MYO5A: variants seen among roughly 807,000 people sequenced by gnomAD.
The protein encoded by MYO5A is unconventional myosin-Va.
MYO5A carries 98 observed loss-of-function variants against 249.7 expected under a neutral mutation model. The observed-to-expected ratio is 0.39, with a 90% CI of 0.33 to 0.46. The LOEUF is 0.46. Among genes scored for constraint, MYO5A ranks in the 20% least tolerant of loss-of-function variants. MYO5A has a pLI of 0.98. For synonymous variants in MYO5A, 778 were observed against 810.6 expected (o/e 0.96, Z 0.68); for missense variants, 1,696 against 2,308.8 (o/e 0.73, Z 5.44).
At chr15:52,402,766 A>AC (rs2042820041) in intron 9 of MYO5A, among the ~76,000 whole-genome samples, 1 of 152,046 alleles carries the variant, frequency 6.6e-6, no homozygotes, top group African/African-American at 2.4e-5. Context: ...AATAGCTTGA[A>AC]CCCAGGAGGT....
At position 52,463,117 on chromosome 15, in the gene MYO5A, T is replaced by C. The variant is rs113481159; in HGVS notation, c.28-29832A>G. On this transcript the variant is annotated intron_variant, in intron 1 of 41. Coordinates refer to ENST00000399233, the MANE Select transcript of MYO5A (RefSeq NM_001382347.1). ...AAATCTCATGAACTAAAGGACATTT[T>C]TTCTTGAGTGACAGGTACTCCAACT... Among the ~76,000 whole-genome samples, 139 of 152,328 alleles carry C rather than the reference T, an allele frequency of 9.1e-4. 1 individual carries two copies. The highest frequency in any genetic ancestry group is 3.2e-3 in the African/African-American group (131 of 41,562).
At chr15:52,508,701 A>G (rs953593291) in intron 1 of MYO5A, among the ~76,000 whole-genome samples, 3 of 152,008 alleles carry the variant, frequency 2.0e-5, no homozygotes, top group Non-Finnish European at 4.4e-5. Flanking sequence ...ATTATACCCA[A>G]ATCTCTAGTC....
chr15:52,479,910 C>G (rs1200145777), intron 1 of MYO5A, among the ~76,000 whole-genome samples: 8 of 152,096 alleles, frequency 5.3e-5, no homozygotes, highest in Non-Finnish European at 1.2e-4. Context: ...GCTCAGCATG[C>G]CTTTGCTCTT....
chr15:52,444,418 C>T (rs2075846908), intron 1 of MYO5A, among the ~76,000 whole-genome samples: 2 of 152,074 alleles, frequency 1.3e-5, no homozygotes, highest in South Asian at 4.2e-4. Flanking sequence ...AAAGAAAAGT[C>T]CTAACTTTAC....
chr15:52,473,613 G>C (rs1359346516), intron 1 of MYO5A, among the ~76,000 whole-genome samples: 3 of 152,134 alleles, frequency 2.0e-5, no homozygotes, highest in African/African-American at 4.8e-5. Context: ...TTCTACATAT[G>C]GCTACCCAGT....
At chr15:52,458,845 G>A (rs1486006214) in intron 1 of MYO5A, among the ~76,000 whole-genome samples, 1 of 151,926 alleles carries the variant, frequency 6.6e-6, no homozygotes, top group Non-Finnish European at 1.5e-5. Context: ...ATTTTCAACT[G>A]TCAAATTTTA....
intron 14 of MYO5A, among the ~76,000 whole-genome samples, chr15:52,386,807 C>T (rs2141146560): frequency 1.3e-5 from 2 of 152,288 alleles, no homozygotes; most frequent in South Asian, 4.1e-4. Flanking sequence ...CTCGGCCTCC[C>T]AAAGTGCTGG....
At chr15:52,360,406 C>G (rs1164924921) in intron 24 of MYO5A, among the ~76,000 whole-genome samples, 1 of 152,216 alleles carries the variant, frequency 6.6e-6, no homozygotes, top group Non-Finnish European at 1.5e-5. Flanking sequence ...CAGTGAAGCA[C>G]TGGGTGAAGC....
intron 15 of MYO5A, among the ~76,000 whole-genome samples, chr15:52,383,913 T>G (rs1218696276): frequency 6.6e-6 from 1 of 152,202 alleles, no homozygotes; most frequent in African/African-American, 2.4e-5. Context: ...GATGGGGTGG[T>G]CTGAGAGACG....
chr15:52,316,165 G>C (rs7163242), intron 40 of MYO5A, among the ~76,000 whole-genome samples: 13,810 of 149,060 alleles, frequency 0.093, 2,039 homozygotes, highest in African/African-American at 0.31. Flanking sequence ...ACCTGGGAGG[G>C]GGAGCTTGCA....
At chr15:52,318,170 T>C (rs930848763) in intron 39 of MYO5A, among the ~76,000 whole-genome samples, 8 of 152,194 alleles carry the variant, frequency 5.3e-5, no homozygotes, top group African/African-American at 1.7e-4. Flanking sequence ...AATAAAAAAT[T>C]TGTGGCCCAG....
chr15:52,400,767 T>C (rs575821502), intron 9 of MYO5A, among the ~76,000 whole-genome samples: 3 of 152,348 alleles, frequency 2.0e-5, no homozygotes, highest in African/African-American at 7.2e-5. Flanking sequence ...ATTGGTACTA[T>C]CAATTGTGAT....
intron 11 of MYO5A, among the ~76,000 whole-genome samples, chr15:52,394,977 G>A (rs1397389448): frequency 1.3e-5 from 2 of 152,134 alleles, no homozygotes; most frequent in Non-Finnish European, 2.9e-5. Flanking sequence ...TTTCACTGTG[G>A]TAAGAAGCTT....
intron 24 of MYO5A, among the ~76,000 whole-genome samples, chr15:52,361,626 A>G (rs2141052921): frequency 6.6e-6 from 1 of 152,324 alleles, no homozygotes; most frequent in South Asian, 2.1e-4. Context: ...TGAGGATTAA[A>G]TAAGAGTGTG....
In MYO5A at chr15:52,313,785, C is replaced by T; in HGVS notation, c.5554G>A (p.Val1852Ile). The stretch of plus-strand genomic sequence containing the variant: ...GAAGATGGGTTGAAAGGAAAGGTGA[C>T]AGGAAAGATGTGTTTAGCATCCATG... Reference protein sequence around the residue: ...LLMDAKHIFPVTFPFNPSSLA... With the variant: ...LLMDAKHIFPITFPFNPSSLA... The change falls in exon 42 of 42, where the codon GTC becomes ATC. Residue 1852 changes from valine to isoleucine, a missense_variant. Coordinates refer to ENST00000399233, the MANE Select transcript of MYO5A (RefSeq NM_001382347.1). 6.2e-7 allele frequency: 1 copy of T among 1,614,030 alleles called. No individual in the cohort carries two copies. Among genetic ancestry groups the T allele is most frequent in the South Asian group, 1.1e-5 (1 of 91,084 alleles).
At chr15:52,478,753 C>T (rs79035269) in intron 1 of MYO5A, among the ~76,000 whole-genome samples, 5,099 of 152,192 alleles carry the variant, frequency 0.034, 261 homozygotes, top group African/African-American at 0.11. Context: ...ATGCAATGTA[C>T]TGGAGAGACA....
intron 5 of MYO5A, 109 bp downstream of exon 5, chr15:52,416,036 T>C (rs1166643545): frequency 7.8e-7 from 1 of 1,287,482 alleles, no homozygotes; most frequent in African/African-American, 1.5e-5. Context: ...TTCTTAATTT[T>C]AGTGGCTGGA....
chr15:52,377,895 AAC>A (rs916567224), intron 18 of MYO5A, among the ~76,000 whole-genome samples: 1 of 152,198 alleles, frequency 6.6e-6, no homozygotes, highest in African/African-American at 2.4e-5. Context: ...TCTAAGGGAA[AAC>A]AGAGAAAATC....
intron 32 of MYO5A, among the ~76,000 whole-genome samples, chr15:52,339,866 A>G (rs1409468409): frequency 6.6e-6 from 1 of 152,208 alleles, no homozygotes; most frequent in Non-Finnish European, 1.5e-5. Context: ...TGACAATCAC[A>G]TAATAAACCT....
Sources: allele counts gnomAD v4.1 joint callset (sites outside exome capture counted in the v4.1 genomes callset), GRCh38; gene constraint gnomAD v4.1.1; transcripts MANE v1.5; gene names NCBI Gene and HGNC (gene_info 2026-07-23, HGNC 2026-07-21).